TBK1: variants seen among roughly 807,000 people sequenced by gnomAD.
The protein encoded by TBK1 is serine/threonine-protein kinase TBK1.
TBK1 carries 37 observed loss-of-function variants against 99.9 expected under a neutral mutation model. That is an observed-to-expected ratio of 0.37 (90% CI 0.28 to 0.49). The LOEUF is 0.49. Ranked by LOEUF, TBK1 falls within the 20% of genes least tolerant of loss-of-function variation. The pLI, the probability that TBK1 is intolerant of heterozygous loss-of-function variation, is 0.98. For synonymous variants in TBK1, 258 were observed against 279.8 expected, an observed-to-expected ratio of 0.92 and a Z score of 0.78; for missense variants, 644 against 872.5, an observed-to-expected ratio of 0.74 and a Z score of 3.30.
At chr12:64,474,472 T>C in intron 6 of TBK1, 82 bp downstream of exon 6, 2 of 1,338,006 alleles carry the variant, frequency 1.5e-6, no homozygotes, top group Admixed American at 2.3e-5. Context: ...TAGTGGTTTA[T>C]GCTAATAAAA....
intron 6 of TBK1, among the ~76,000 whole-genome samples, chr12:64,476,587 A>G (rs1168703459): frequency 2.6e-5 from 4 of 152,148 alleles, no homozygotes. Context: ...TCAAATGCAT[A>G]GTTTACAAAT....
intron 6 of TBK1, among the ~76,000 whole-genome samples, chr12:64,476,369 A>G (rs992029606): frequency 4.6e-5 from 7 of 151,678 alleles, no homozygotes; most frequent in Non-Finnish European, 1.0e-4. Context: ...CATGTTAGCC[A>G]GGATGGTCTC....
intron 2 of TBK1, 63 bp from the exon 3 acceptor site, chr12:64,460,126 C>A: frequency 8.7e-7 from 1 of 1,150,660 alleles, no homozygotes; most frequent in Non-Finnish European, 1.2e-6. Flanking sequence ...AGTTCTAATG[C>A]TACCTTTTAA....
intron 3 of TBK1, among the ~76,000 whole-genome samples, chr12:64,460,832 CAAA>C (rs1221718352): frequency 2.2e-5 from 1 of 45,460 alleles, no homozygotes; most frequent in African/African-American, 8.4e-5. Context: ...GACTCCATCT[CAAA>C]AAAAAAAAAA....
At chr12:64,478,352 G>A (rs1374908628) in intron 6 of TBK1, among the ~76,000 whole-genome samples, 4 of 152,052 alleles carry the variant, frequency 2.6e-5, no homozygotes, top group South Asian at 2.1e-4. Context: ...GTTTCACCAC[G>A]TTGCCCAGGC....
intron 12 of TBK1, among the ~76,000 whole-genome samples, 177 bp from the exon 13 acceptor site, chr12:64,489,864 C>A (rs1268829863): frequency 1.3e-5 from 2 of 151,768 alleles, no homozygotes; most frequent in African/African-American, 4.8e-5. Context: ...GCGTGAGCCA[C>A]TGCACCTGGC....
At chr12:64,460,108 C>A in intron 2 of TBK1, 81 bp from the exon 3 acceptor site, 1 of 913,772 alleles carries the variant, frequency 1.1e-6, no homozygotes, top group Non-Finnish European at 1.5e-6. Context: ...AAATAAGTTG[C>A]AATAGCGAGT....
chr12:64,455,352 C>G (rs966702458), intron 1 of TBK1, among the ~76,000 whole-genome samples: 4 of 151,964 alleles, frequency 2.6e-5, no homozygotes, highest in African/African-American at 4.8e-5. Flanking sequence ...TACTAACTTA[C>G]AGGGAAAAAA....
Position 64,485,466 on chromosome 12 carries a change from A to C in TBK1, c.1201A>C (p.Lys401Gln). The change falls in exon 10 of 21, where the codon AAA becomes CAA. Residue 401 changes from lysine (K) to glutamine (Q), a missense_variant. Around this residue, in one of 3 missense-constraint regions of TBK1, gnomAD observed 465 missense variants for 588.0 expected, o/e 0.79. Coordinates refer to ENST00000331710, the MANE Select transcript of TBK1 (RefSeq NM_013254.4). ...ACTTCATATTTCAGTTTCCCTCCCT[A>C]AAGTACATCCACGTTATGATTTAGA... Reference protein sequence around the residue: ...GLIYEKISLPKVHPRYDLDGD... With the variant: ...GLIYEKISLPQVHPRYDLDGD... 2.6e-6 allele frequency: 4 copies of C among 1,556,598 alleles called. No homozygotes were observed. Among genetic ancestry groups the C allele is most frequent in the Non-Finnish European group, 3.5e-6 (4 of 1,141,120 alleles).
At chr12:64,484,645 G>T in intron 9 of TBK1, 146 bp downstream of exon 9, 1 of 707,690 alleles carries the variant, frequency 1.4e-6, no homozygotes, top group Non-Finnish European at 2.2e-6. Context: ...CCAGCTGCAT[G>T]GGAGGCTGAG....
intron 1 of TBK1, chr12:64,452,826 C>CT (rs2040442399): frequency 6.6e-6 from 1 of 152,216 alleles, no homozygotes; most frequent in African/African-American, 2.4e-5. Flanking sequence ...TTTGTAATCT[C>CT]TATCCCAAGT....
In TBK1 at chr12:64,464,366, A is replaced by C; in HGVS notation, c.261A>C (p.Glu87Asp). 1 of 1,603,770 alleles carries C rather than the reference A, an allele frequency of 6.2e-7. No homozygotes were observed. The highest frequency in any genetic ancestry group is 8.5e-7 in the Non-Finnish European group (1 of 1,175,886). ...TTTRHKVLIM[E>D]FCPCGSLYTV... is the part of the protein sequence containing the mutation. ...CAAGACATAAAGTACTTATTATGGA[A>C]TTTTGTCCATGTGGGAGTTTATACA... is the stretch of plus-strand genomic sequence containing the variant. Residue 87 changes from glutamate (E) to aspartate (D), a missense_variant, in exon 4 of 21, where the codon GAA becomes GAC. By Grantham distance (45) the Glu-to-Asp change is conservative. Transcript: ENST00000331710.
intron 2 of TBK1, among the ~76,000 whole-genome samples, chr12:64,458,927 C>A (rs2040518901): frequency 6.6e-6 from 1 of 152,150 alleles, no homozygotes; most frequent in African/African-American, 2.4e-5. Context: ...GATCTTTCAT[C>A]TTCCTCTAGA....
At chr12:64,466,541 C>A (rs552916869) in intron 4 of TBK1, among the ~76,000 whole-genome samples, 1 of 151,972 alleles carries the variant, frequency 6.6e-6, no homozygotes, top group East Asian at 1.9e-4. Flanking sequence ...AGATTGATAT[C>A]TTTTTTGGGA....
chr12:64,486,028 G>C lies in TBK1; in HGVS notation c.1340+11G>C. On this transcript the variant is annotated intron_variant, in intron 11 of 20. Transcript: ENST00000331710. ...GATACGATGGCTGATGTAAGTAATA[G>C]ATTGAAATTTTGAAATTGATTTTCA... The C allele has an allele frequency of 6.5e-7, 1 of 1,548,456 alleles. No homozygotes were observed.
At chr12:64,474,106 G>T in intron 5 of TBK1, 124 bp from the exon 6 acceptor site, 1 of 920,282 alleles carries the variant, frequency 1.1e-6, no homozygotes, top group Non-Finnish European at 1.6e-6. Flanking sequence ...AGTCTTTTCA[G>T]ATTGGGAAAG....
intron 13 of TBK1, chr12:64,495,258 T>C (rs2040913702): frequency 7.3e-6 from 3 of 410,938 alleles, no homozygotes; most frequent in African/African-American, 4.1e-5. Flanking sequence ...ATGAACTGTT[T>C]TATAAGATGT....
chr12:64,497,835 A>AT (rs1245649947), intron 19 of TBK1, 81 bp downstream of exon 19: 11 of 1,420,432 alleles, frequency 7.7e-6, no homozygotes, highest in African/African-American at 1.4e-5. Flanking sequence ...ACATTTTGAA[A>AT]TTTTTTATGT....
Position 64,501,393 on chromosome 12 carries a change from A to T in TBK1, c.*12A>T. 6.2e-7 allele frequency: 1 copy of T among 1,612,386 alleles called. No individual in the cohort carries two copies. Reference sequence around the variant, plus strand: ...TTGACTGTCTTTAGCTTTCTAATAGAAGTTTAAGAAAAGTTTCCGTTTGCA... The same window carrying T: ...TTGACTGTCTTTAGCTTTCTAATAGTAGTTTAAGAAAAGTTTCCGTTTGCA... On this transcript the variant is annotated 3_prime_UTR_variant, in exon 21 of 21. Transcript: ENST00000331710.
Sources: gnomAD v4.1 joint callset for allele counts (sites outside exome capture counted in the v4.1 genomes callset) on GRCh38, gnomAD v4.1.1 for gene constraint, gnomAD v4.1.1 regional missense constraint, MANE v1.5 for transcripts, NCBI Gene and HGNC (gene_info 2026-07-23, HGNC 2026-07-21) for gene names.